RBFOX1: variants seen among roughly 807,000 people sequenced by gnomAD.
RBFOX1 encodes RNA binding fox-1 homolog 1.
In RBFOX1, 8 loss-of-function variants were observed where a neutral mutation model predicts 57.7. The ratio of observed to expected loss-of-function variants is 0.14; its 90% CI spans 0.08 to 0.25. The LOEUF (loss-of-function observed/expected upper bound fraction) is 0.25. Ranked by LOEUF, RBFOX1 falls within the 10% of genes least tolerant of loss-of-function variation. The probability of loss-of-function intolerance (pLI) is 1.00; values close to 1 mark genes in which losing one functional copy is unlikely to be tolerated. For synonymous variants in RBFOX1, 326 were observed against 222.4 expected, an observed-to-expected ratio of 1.47 and a Z score of -4.15; for missense variants, 611 against 548.5, an observed-to-expected ratio of 1.11 and a Z score of -1.14.
chr16:5,893,497 C>A (rs181774244), intron 4 of RBFOX1, among the ~76,000 whole-genome samples: 1 of 152,100 alleles, frequency 6.6e-6, no homozygotes, highest in Non-Finnish European at 1.5e-5. Context: ...TGTTACGCAT[C>A]GCATACCTGT....
rs936393941 is a variant in RBFOX1, at chr16:5,882,122, A to G, written c.351+14787A>G. On this transcript the variant is annotated intron_variant, in intron 4 of 19. Transcript: ENST00000641259. ...TTAAGTAACAAAGTCACATGACTAC[A>G]CAGCCAACCTTTGAATTCAGGCATT... Among the ~76,000 whole-genome samples, 6 of 152,240 alleles carry G rather than the reference A, an allele frequency of 3.9e-5. No individual in the cohort carries two copies. The East Asian group carries it at 1.2e-3, about 29-fold the overall frequency.
At chr16:7,277,351 T>G (rs1472836066) in intron 4 of RBFOX1, among the ~76,000 whole-genome samples, 1 of 152,224 alleles carries the variant, frequency 6.6e-6, no homozygotes, top group Non-Finnish European at 1.5e-5. Flanking sequence ...TGTAGATATC[T>G]CCTTCTTTAG....
At chr16:6,924,711 A>G (rs1349622409) in intron 3 of RBFOX1, among the ~76,000 whole-genome samples, 2 of 151,718 alleles carry the variant, frequency 1.3e-5, no homozygotes, top group Non-Finnish European at 2.9e-5. Flanking sequence ...TTTAAGTTTT[A>G]GGGTACATGT....
rs34447124 is a variant in RBFOX1, at chr16:5,907,721, T to TATCATCATC, written c.351+40422_351+40430dup. Among the ~76,000 whole-genome samples, 202 of 146,214 alleles carry TATCATCATC rather than the reference T, an allele frequency of 1.4e-3. 1 individual carries two copies. Among genetic ancestry groups the TATCATCATC allele is most frequent in the Middle Eastern group, 6.9e-3 (2 of 290 alleles). On this transcript the variant is annotated intron_variant, in intron 4 of 19. Coordinates refer to the RBFOX1 transcript ENST00000641259. ...AAGACGCGAACTCAAGGAGACTATT[T>TATCATCATC]ATCATCATCATCATCATCATCATCA...
chr16:6,657,051 T>G (rs71392488), intron 3 of RBFOX1, among the ~76,000 whole-genome samples: 1 of 93,804 alleles, frequency 1.1e-5, no homozygotes, highest in Non-Finnish European at 2.1e-5. Flanking sequence ...TCCTCTCCTC[T>G]CCTCCCCTTT....
At chr16:7,441,338 G>A (rs1470335345) in intron 4 of RBFOX1, among the ~76,000 whole-genome samples, 1 of 152,236 alleles carries the variant, frequency 6.6e-6, no homozygotes, top group South Asian at 2.1e-4. Flanking sequence ...GAAATGCCTT[G>A]GAAACTAAAA....
At chr16:6,330,813 AT>A (rs2082932328) in intron 2 of RBFOX1, among the ~76,000 whole-genome samples, 1 of 152,228 alleles carries the variant, frequency 6.6e-6, no homozygotes. Context: ...GTGTGTGGCC[AT>A]TTAATGTAGG....
At chr16:6,075,948 C>A (rs1038958521) in intron 1 of RBFOX1, among the ~76,000 whole-genome samples, 1 of 152,126 alleles carries the variant, frequency 6.6e-6, no homozygotes, top group African/African-American at 2.4e-5. Context: ...GATTATTAGT[C>A]CCATTTTACA....
At chr16:6,696,744 C>A (rs1544616) in intron 3 of RBFOX1, among the ~76,000 whole-genome samples, 13,220 of 151,980 alleles carry the variant, frequency 0.087, 1,070 homozygotes, top group East Asian at 0.38. Flanking sequence ...CAAAACCTTT[C>A]GAAATGCAGT....
chr16:6,042,016 G>C (rs1304604300), intron 1 of RBFOX1, among the ~76,000 whole-genome samples: 1 of 151,800 alleles, frequency 6.6e-6, no homozygotes, highest in Non-Finnish European at 1.5e-5. Flanking sequence ...GCATTCCTTG[G>C]CTTGTGGCCC....
intron 3 of RBFOX1, among the ~76,000 whole-genome samples, chr16:6,713,450 A>G (rs192609326): frequency 1.1e-3 from 164 of 152,178 alleles, no homozygotes; most frequent in Middle Eastern, 3.4e-3. Context: ...TTAGAGCTGA[A>G]TAATGCTGTG....
At chr16:6,488,099 T>A (rs2095546534) in intron 2 of RBFOX1, among the ~76,000 whole-genome samples, 1 of 152,124 alleles carries the variant, frequency 6.6e-6, no homozygotes, top group Non-Finnish European at 1.5e-5. Context: ...GGTGCACTAT[T>A]TGCCCAATGT....
intron 11 of RBFOX1, among the ~76,000 whole-genome samples, chr16:7,642,226 C>T (rs1597147219): frequency 1.3e-5 from 2 of 152,310 alleles, no homozygotes; most frequent in African/African-American, 2.4e-5. Context: ...GTTTTGGAGG[C>T]TCTGGCTCAG....
intron 2 of RBFOX1, among the ~76,000 whole-genome samples, chr16:6,459,746 G>T (rs906235209): frequency 6.6e-6 from 1 of 151,880 alleles, no homozygotes; most frequent in Non-Finnish European, 1.5e-5. Context: ...GGAGGCTGAG[G>T]TGGGCGGATC....
At chr16:7,522,717 T>A (rs530656972) in intron 5 of RBFOX1, among the ~76,000 whole-genome samples, 52 of 152,102 alleles carry the variant, frequency 3.4e-4, no homozygotes, top group African/African-American at 1.2e-3. Flanking sequence ...AAGCAAGAGA[T>A]AGGGAATAAT....
intron 1 of RBFOX1, among the ~76,000 whole-genome samples, chr16:5,272,746 C>G (rs751500724): frequency 6.6e-5 from 10 of 152,198 alleles, no homozygotes; most frequent in Non-Finnish European, 1.3e-4. Flanking sequence ...TGAGGTCCCC[C>G]TTCCCTTTTC....
chr16:5,623,200 G>A (rs2151286250), intron 3 of RBFOX1, among the ~76,000 whole-genome samples: 1 of 152,246 alleles, frequency 6.6e-6, no homozygotes, highest in South Asian at 2.1e-4. Context: ...TTATGGTGTT[G>A]GCCTGAGAAG....
chr16:5,309,791 G>A (rs940186790), intron 1 of RBFOX1, among the ~76,000 whole-genome samples: 3 of 152,186 alleles, frequency 2.0e-5, no homozygotes, highest in Non-Finnish European at 2.9e-5. Context: ...TATACCGTAA[G>A]TGTATAGAGA....
At chr16:6,887,966 C>G (rs992012956) in intron 3 of RBFOX1, among the ~76,000 whole-genome samples, 1 of 151,964 alleles carries the variant, frequency 6.6e-6, no homozygotes, top group Non-Finnish European at 1.5e-5. Flanking sequence ...CTGTCCCATC[C>G]TCATCATTTT....
Sources: allele counts gnomAD v4.1 joint callset (sites outside exome capture counted in the v4.1 genomes callset), GRCh38; gene constraint gnomAD v4.1.1; transcripts MANE v1.5; gene names NCBI Gene and HGNC (gene_info 2026-07-23, HGNC 2026-07-21).